The following TXNL4A variants were observed in gnomAD, a reference collection of about 807,000 sequenced individuals.
TXNL4A encodes thioredoxin like 4A, also known as thioredoxin-like protein 4A.
Under a neutral mutation model 14.6 loss-of-function variants are expected in TXNL4A, and 17 were observed. The ratio of observed to expected loss-of-function variants is 1.16; its 90% CI spans 0.80 to 1.74. TXNL4A has a LOEUF of 1.74. Ranked by LOEUF, TXNL4A falls within the 40% of genes most tolerant of loss-of-function variation. The pLI, the probability that TXNL4A is intolerant of heterozygous loss-of-function variation, is 0.00. For missense variants in TXNL4A, 74 were observed against 195.2 expected (o/e 0.38, Z 3.70); for synonymous variants, 83 against 70.6 (o/e 1.18, Z -0.88).
intron 1 of TXNL4A, among the ~76,000 whole-genome samples, chr18:79,998,095 C>A (rs2051674477): frequency 6.6e-6 from 1 of 152,068 alleles, no homozygotes; most frequent in South Asian, 2.1e-4. Context: ...AGATCGAGAC[C>A]ATTCTGGCTA....
At chr18:79,998,989 C>G (rs537885608) in intron 1 of TXNL4A, among the ~76,000 whole-genome samples, 1 of 152,210 alleles carries the variant, frequency 6.6e-6, no homozygotes, top group East Asian at 1.9e-4. Flanking sequence ...AATTTTGGAG[C>G]AGGATATGCT....
chr18:80,016,791 T>C (rs1408059590), intron 1 of TXNL4A, among the ~76,000 whole-genome samples: 2 of 147,980 alleles, frequency 1.4e-5, no homozygotes, highest in Non-Finnish European at 1.5e-5. Context: ...TGAAGTCAGG[T>C]AGCGTGATGC....
At chr18:79,985,796 C>T (rs1017372471) in intron 1 of TXNL4A, 9 of 152,200 alleles carry the variant, frequency 5.9e-5, no homozygotes, top group African/African-American at 2.2e-4. Flanking sequence ...CTGTTACTCA[C>T]TTTAAAACAG....
chr18:79,973,977 T>A, intron 2 of TXNL4A, 121 bp from the exon 3 acceptor site: 1 of 1,329,386 alleles, frequency 7.5e-7, no homozygotes, highest in Non-Finnish European at 1.0e-6. Flanking sequence ...GAAGAACGCA[T>A]AAAATCGAGA....
At chr18:79,976,912 T>C (rs972602288) in intron 2 of TXNL4A, 3 of 374,036 alleles carry the variant, frequency 8.0e-6, no homozygotes, top group South Asian at 5.8e-5. Context: ...TCCTCTTGGA[T>C]ATAAAAAAGG....
At chr18:80,000,835 G>A (rs760992763) in intron 1 of TXNL4A, among the ~76,000 whole-genome samples, 1 of 152,126 alleles carries the variant, frequency 6.6e-6, no homozygotes, top group Non-Finnish European at 1.5e-5. Flanking sequence ...TGTATTTTTA[G>A]TAGAGACGGG....
chr18:79,987,341 TGTTA>T (rs1199945164), intron 1 of TXNL4A, among the ~76,000 whole-genome samples: 2 of 152,266 alleles, frequency 1.3e-5, no homozygotes, highest in Non-Finnish European at 2.9e-5. Flanking sequence ...TCCTTACATC[TGTTA>T]CTCTTTACTC....
rs1010218372 is a variant in TXNL4A, at chr18:80,013,809, A to G, written c.-61+20042T>C. Among the ~76,000 whole-genome samples, 4 of 152,214 alleles carry G rather than the reference A, an allele frequency of 2.6e-5. No individual in the cohort carries two copies. The South Asian group carries it at 8.3e-4, about 31-fold the overall frequency. The stretch of plus-strand genomic sequence containing the variant: ...TGTGGGCATCTTTGGGAAGGACTGT[A>G]TTAGTTCATTTTCATGCTGCTGATA... On this transcript the variant is annotated intron_variant, in intron 1 of 2. Transcript: ENST00000585474.
At chr18:80,003,534 A>G (rs908005194) in intron 1 of TXNL4A, among the ~76,000 whole-genome samples, 2 of 152,132 alleles carry the variant, frequency 1.3e-5, no homozygotes, top group African/African-American at 4.8e-5. Context: ...CTCTTCAGTT[A>G]TAATTTTTTT....
At chr18:79,974,244 T>C (rs550540999) in intron 2 of TXNL4A, among the ~76,000 whole-genome samples, 2 of 152,250 alleles carry the variant, frequency 1.3e-5, no homozygotes, top group African/African-American at 4.8e-5. Context: ...GAGACCCCCA[T>C]CTAATTTGTA....
intron 2 of TXNL4A, among the ~76,000 whole-genome samples, chr18:79,975,298 G>A (rs1166073704): frequency 6.6e-6 from 1 of 152,240 alleles, no homozygotes; most frequent in Non-Finnish European, 1.5e-5. Flanking sequence ...CACAAACCTG[G>A]TGGGGGCTCA....
At chr18:80,005,932 G>T (rs570781234) in intron 1 of TXNL4A, among the ~76,000 whole-genome samples, 2 of 151,888 alleles carry the variant, frequency 1.3e-5, no homozygotes, top group South Asian at 2.1e-4. Context: ...AAAAGAAAAA[G>T]AATAAGAAAA....
At chr18:80,002,437 A>C (rs1383093493) in intron 1 of TXNL4A, among the ~76,000 whole-genome samples, 1 of 152,182 alleles carries the variant, frequency 6.6e-6, no homozygotes, top group Non-Finnish European at 1.5e-5. Context: ...TGTGAGTAAA[A>C]TGCTAAAAAC....
upstream of TXNL4A, among the ~76,000 whole-genome samples, chr18:79,991,033 G>A (rs1411933827): frequency 6.6e-6 from 1 of 150,934 alleles, no homozygotes; most frequent in African/African-American, 2.4e-5. Flanking sequence ...GCGTGAACCC[G>A]GGAGGCGGAG....
intron 2 of TXNL4A, among the ~76,000 whole-genome samples, chr18:79,974,362 G>A (rs1481221004): frequency 1.3e-5 from 2 of 152,210 alleles, no homozygotes; most frequent in Non-Finnish European, 2.9e-5. Context: ...ATGACATTTT[G>A]CATGTTTATG....
At chr18:79,997,833 A>G (rs997136138) in intron 1 of TXNL4A, among the ~76,000 whole-genome samples, 1 of 152,228 alleles carries the variant, frequency 6.6e-6, no homozygotes, top group Non-Finnish European at 1.5e-5. Flanking sequence ...GTGTCCAAAG[A>G]CAAACTTCAG....
chr18:80,003,940 G>A (rs1403562003), intron 1 of TXNL4A, among the ~76,000 whole-genome samples: 5 of 152,108 alleles, frequency 3.3e-5, no homozygotes, highest in Admixed American at 2.6e-4. Context: ...CCACCCCCAC[G>A]ATCCGGTCAC....
rs1455861694 is a variant in TXNL4A, at chr18:79,993,708, A to G, written c.-60-16007T>C. ...TATGAGTGTGGAATTTTCTAAAGAAATAAGAGCACTTTACTCCCCTCAGCC... is the reference window on the plus strand; with the variant it reads ...TATGAGTGTGGAATTTTCTAAAGAAGTAAGAGCACTTTACTCCCCTCAGCC... On this transcript the variant is annotated intron_variant, in intron 1 of 2. Coordinates refer to the TXNL4A transcript ENST00000585474. The surrounding 1 kb of genome is among the most constrained non-coding windows in gnomAD (Gnocchi z 4.4). Among the ~76,000 whole-genome samples, 1 of 152,168 alleles carries G rather than the reference A, an allele frequency of 6.6e-6. No homozygotes were observed. The highest frequency in any genetic ancestry group is 1.5e-5 in the Non-Finnish European group (1 of 68,040).
chr18:80,011,657 G>A lies in TXNL4A; in HGVS notation c.-61+22194C>T, dbSNP rs1486703565. Among the ~76,000 whole-genome samples the A allele has an allele frequency of 2.6e-5, 4 of 152,122 alleles. No homozygotes were observed. The highest frequency in any genetic ancestry group is 5.9e-5 in the Non-Finnish European group (4 of 68,026). The stretch of plus-strand genomic sequence containing the variant: ...TGCCCCGAGAGCACAACCGCTCGGC[G>A]GCATTCCACAGGTGGCTCAGGGAGA... On this transcript the variant is annotated intron_variant, in intron 1 of 2. Transcript: ENST00000585474. The surrounding 1 kb of genome is among the most constrained non-coding windows in gnomAD (Gnocchi z 4.1).
Sources: gnomAD v4.1 joint callset for allele counts (sites outside exome capture counted in the v4.1 genomes callset) on GRCh38, gnomAD v4.1.1 for gene constraint, Gnocchi (gnomAD v3.1) non-coding constraint, MANE v1.5 for transcripts, NCBI Gene and HGNC (gene_info 2026-07-23, HGNC 2026-07-21) for gene names.